Variants in GRIK2 observed in about 807,000 individuals in gnomAD.
GRIK2 encodes glutamate receptor ionotropic, kainate 2.
In GRIK2, 32 loss-of-function variants were observed where a neutral mutation model predicts 100.3. That is an observed-to-expected ratio of 0.32 (90% CI 0.24 to 0.43). The LOEUF (loss-of-function observed/expected upper bound fraction) is 0.43, where lower values mean the gene tolerates loss of function less well. GRIK2 is among the 20% of genes least tolerant of loss of function. The probability of loss-of-function intolerance (pLI) is 1.00; values close to 1 mark genes in which losing one functional copy is unlikely to be tolerated. For synonymous variants in GRIK2, 417 were observed against 389.4 expected (o/e 1.07, Z -0.83); for missense variants, 843 against 1,114.9 (o/e 0.76, Z 3.47).
At chr6:101,933,648 C>CA (rs1317708078) in intron 14 of GRIK2, among the ~76,000 whole-genome samples, 1 of 151,882 alleles carries the variant, frequency 6.6e-6, no homozygotes, top group East Asian at 1.9e-4. Context: ...TTTATTGCAG[C>CA]ACCTTGTTAC....
chr6:101,548,170 TG>T, intron 2 of GRIK2, among the ~76,000 whole-genome samples: 1 of 152,312 alleles, frequency 6.6e-6, no homozygotes, highest in East Asian at 1.9e-4. Context: ...TGGGGTTGTT[TG>T]TTTTTTTCTT....
chr6:101,893,269 G>A (rs1463148698), intron 12 of GRIK2, among the ~76,000 whole-genome samples: 1 of 151,362 alleles, frequency 6.6e-6, no homozygotes, highest in Non-Finnish European at 1.5e-5. Flanking sequence ...AACAATTATA[G>A]ATAAAAGAAA....
intron 14 of GRIK2, among the ~76,000 whole-genome samples, chr6:102,025,085 C>T (rs1769623594): frequency 6.6e-6 from 1 of 151,216 alleles, no homozygotes; most frequent in East Asian, 1.9e-4. Flanking sequence ...GATAAACTTA[C>T]TCACTACAGA....
chr6:101,705,031 ATATATT>A (rs1263481182), intron 7 of GRIK2, among the ~76,000 whole-genome samples: 3 of 139,048 alleles, frequency 2.2e-5, no homozygotes, highest in Non-Finnish European at 3.3e-5. Flanking sequence ...ATTATATTAC[ATATATT>A]TATATTTATA....
intron 14 of GRIK2, among the ~76,000 whole-genome samples, chr6:101,975,059 A>G (rs868352722): frequency 8.5e-5 from 13 of 152,116 alleles, no homozygotes; most frequent in South Asian, 2.1e-4. Context: ...TTTCTTTTAT[A>G]TAGGAAGCAC....
chr6:101,780,403 A>G (rs1779014737), intron 7 of GRIK2, among the ~76,000 whole-genome samples: 1 of 151,994 alleles, frequency 6.6e-6, no homozygotes, highest in East Asian at 1.9e-4. Context: ...CTTTCATGAG[A>G]CCTCGAAATA....
chr6:102,003,979 T>TATTA (rs1795079869), intron 14 of GRIK2, among the ~76,000 whole-genome samples: 1 of 151,520 alleles, frequency 6.6e-6, no homozygotes, highest in Non-Finnish European at 1.5e-5. Context: ...TTTTCTCTCT[T>TATTA]ATTAATTCCA....
Position 101,604,535 on chromosome 6 carries a change from T to C in GRIK2, c.116-17414T>C, listed in dbSNP as rs1779360954. 3.3e-5 allele frequency among the ~76,000 whole-genome samples: 5 copies of C among 151,970 alleles called. 1 individual carries two copies. The South Asian group carries it at 1.0e-3, about 32-fold the overall frequency. On this transcript the variant is annotated intron_variant, in intron 2 of 16. Coordinates refer to ENST00000369134, the MANE Select transcript of GRIK2 (RefSeq NM_021956.5). ...GCTGTTGGAATTTAACAGAAGTAAA[T>C]ACAGCCTTTGAGAAGAATAGCCATT...
intron 2 of GRIK2, among the ~76,000 whole-genome samples, chr6:101,464,429 A>G (rs1008290359): frequency 5.3e-5 from 8 of 151,246 alleles, no homozygotes; most frequent in African/African-American, 1.7e-4. Flanking sequence ...GTGGAGGCAT[A>G]AACTTTGCCT....
chr6:101,899,859 T>G (rs1787723818), intron 12 of GRIK2, among the ~76,000 whole-genome samples: 1 of 152,136 alleles, frequency 6.6e-6, no homozygotes. Flanking sequence ...GGTAAGTGTT[T>G]CCCTGCTTCC....
chr6:101,441,219 C>T (rs1770032084), intron 2 of GRIK2, among the ~76,000 whole-genome samples: 3 of 152,180 alleles, frequency 2.0e-5, no homozygotes, highest in East Asian at 1.9e-4. Context: ...GGTTGGTCCT[C>T]GCTGTGAGAT....
chr6:101,675,712 A>G (rs1770784874), intron 4 of GRIK2, among the ~76,000 whole-genome samples: 1 of 152,166 alleles, frequency 6.6e-6, no homozygotes, highest in Non-Finnish European at 1.5e-5. Flanking sequence ...TTAATGTGAT[A>G]TATTTTTAAT....
At chr6:101,888,102 T>G (rs1017928618) in intron 11 of GRIK2, among the ~76,000 whole-genome samples, 2 of 152,192 alleles carry the variant, frequency 1.3e-5, no homozygotes, top group African/African-American at 4.8e-5. Context: ...TATCAATCAC[T>G]AGAGTTGTTT....
intron 2 of GRIK2, among the ~76,000 whole-genome samples, chr6:101,505,536 C>T (rs1297590243): frequency 3.3e-5 from 5 of 152,112 alleles, no homozygotes; most frequent in African/African-American, 9.6e-5. Flanking sequence ...ACTGAAATAA[C>T]GAGCCAGAGC....
intron 2 of GRIK2, among the ~76,000 whole-genome samples, chr6:101,567,919 C>G (rs879452004): frequency 2.6e-5 from 4 of 151,586 alleles, no homozygotes; most frequent in Admixed American, 6.6e-5. Flanking sequence ...CTAATTTTAC[C>G]TTTTAAAATA....
At chr6:102,029,341 T>G (rs1364126453) in intron 14 of GRIK2, among the ~76,000 whole-genome samples, 1 of 151,292 alleles carries the variant, frequency 6.6e-6, no homozygotes, top group African/African-American at 2.4e-5. Flanking sequence ...CCGGTTGTTT[T>G]CCACGTATAA....
chr6:101,880,631 T>C (rs1365990840), intron 11 of GRIK2, among the ~76,000 whole-genome samples: 1 of 152,106 alleles, frequency 6.6e-6, no homozygotes, highest in Non-Finnish European at 1.5e-5. Context: ...GAAGGGATGA[T>C]AATTACCTTC....
chr6:101,988,126 TGTGTGTGCGC>T (rs1213270124), intron 14 of GRIK2, among the ~76,000 whole-genome samples: 74 of 17,210 alleles, frequency 4.3e-3, no homozygotes, highest in Non-Finnish European at 6.8e-3. Flanking sequence ...TGTGTGTGTG[TGTGTGTGCGC>T]GCGCGCGCGC....
intron 7 of GRIK2, among the ~76,000 whole-genome samples, chr6:101,788,457 G>C (rs1224441468): frequency 6.6e-6 from 1 of 151,710 alleles, no homozygotes; most frequent in East Asian, 1.9e-4. Flanking sequence ...AGAACATGCA[G>C]TGTTTGGTTT....
Sources: allele counts gnomAD v4.1 joint callset (sites outside exome capture counted in the v4.1 genomes callset), GRCh38; gene constraint gnomAD v4.1.1; transcripts MANE v1.5; gene names NCBI Gene and HGNC (gene_info 2026-07-23, HGNC 2026-07-21).